The following DST variants were observed in gnomAD, a reference collection of about 807,000 sequenced individuals.
DST encodes dystonin, also known as bullous pemphigoid antigen.
A neutral mutation model predicts 875.2 loss-of-function variants in DST; 253 were observed. The ratio of observed to expected loss-of-function variants is 0.29; its 90% CI spans 0.26 to 0.32. The LOEUF (loss-of-function observed/expected upper bound fraction) is 0.32. DST is among the 10% of genes least tolerant of loss of function. The probability of loss-of-function intolerance (pLI) is 1.00; values close to 1 mark genes in which losing one functional copy is unlikely to be tolerated. For missense variants in DST, 8,287 were observed against 9,111.6 expected, an observed-to-expected ratio of 0.91 and a Z score of 3.68; for synonymous variants, 3,124 against 3,197.1, an observed-to-expected ratio of 0.98 and a Z score of 0.77.
intron 55 of DST, among the ~76,000 whole-genome samples, chr6:56,563,543 C>T (rs1158940611): frequency 6.6e-6 from 1 of 152,158 alleles, no homozygotes. Flanking sequence ...TGCCTGTTCA[C>T]TCTGATGATA....
chr6:56,555,307 T>G, intron 60 of DST, 38 bp downstream of exon 60: 1 of 1,528,800 alleles, frequency 6.5e-7, no homozygotes, highest in Non-Finnish European at 8.8e-7. Flanking sequence ...TGACATTTAT[T>G]TCTGACCAGG....
At chr6:56,904,175 A>G (rs1795342157) in intron 2 of DST, among the ~76,000 whole-genome samples, 1 of 152,254 alleles carries the variant, frequency 6.6e-6, no homozygotes, top group South Asian at 2.1e-4. Flanking sequence ...TCTTGAACAC[A>G]ATAGTGTATT....
In DST at chr6:56,458,791, T is replaced by C. The variant is rs1562114884; in HGVS notation, c.*214A>G. ...CAGAAATGTTAGTTCATGTTAAACT[T>C]TTCCTCCTCACATATGATGTGACTT... On this transcript the variant is annotated 3_prime_UTR_variant, in exon 104 of 104. Coordinates refer to ENST00000680361, the MANE Select transcript of DST (RefSeq NM_001374736.1). The C allele has an allele frequency of 2.1e-6, 1 of 479,972 alleles. No individual in the cohort carries two copies. The highest frequency in any genetic ancestry group is 3.5e-5 in the East Asian group (1 of 28,874). The allele number at this position is 479,972 out of a possible 1,614,324, so 29.7% of individuals were successfully genotyped here. A position where few individuals can be genotyped will look rare whatever the true frequency, so the allele number is the denominator to read the frequency against.
At position 56,634,567 on chromosome 6, in the gene DST, C is replaced by T. The variant is rs144326157; in HGVS notation, c.3389G>A (p.Arg1130His). The T allele has an allele frequency of 6.2e-6, 10 of 1,613,998 alleles. No individual in the cohort carries two copies. Among genetic ancestry groups the T allele is most frequent in the Middle Eastern group, 1.6e-4 (1 of 6,084 alleles). Residue 1130 changes from arginine to histidine, a missense_variant, in exon 26 of 104, where the codon CGT (arginine) becomes CAT (histidine). This residue lies in a region of DST where 1,160 missense variants were observed against 1,424.3 expected (regional missense o/e 0.81). Transcript: ENST00000680361. Reference sequence around the variant, plus strand: ...AGGACTAATGACCTTCCATTTAGCACGATGAGAGTTATTCGCCAAAACACA... The same window carrying T: ...AGGACTAATGACCTTCCATTTAGCATGATGAGAGTTATTCGCCAAAACACA... ...DECVLANNSH[R>H]AKWKVISPTG...
At chr6:56,619,603 AT>A (rs1563237899) in intron 36 of DST, 2 of 1,613,860 alleles carry the variant, frequency 1.2e-6, no homozygotes, top group East Asian at 4.5e-5. Context: ...CTTTTTCATG[AT>A]TAAGAGATTC....
chr6:56,492,373 T>C lies in DST; in HGVS notation c.20611A>G (p.Thr6871Ala). Reference protein sequence around the residue: ...EQIIELDKTGTHLKYFSQKQD... With the variant: ...EQIIELDKTGAHLKYFSQKQD... ...TTCTGACTAAAATATTTTAGGTGGG[T>C]TCCAGTTTTGTCCAGCTCTATTATC... Residue 6871 changes from threonine to alanine, a missense_variant, in exon 85 of 104, where the codon ACC becomes GCC. Thr to Ala is a moderately conservative substitution (Grantham distance 58, BLOSUM62 0). This residue lies in a region of DST where 1,292 missense variants were observed against 1,552.7 expected (regional missense o/e 0.83). Coordinates refer to ENST00000680361, the MANE Select transcript of DST (RefSeq NM_001374736.1). The C allele has an allele frequency of 1.2e-6, 2 of 1,613,842 alleles. No homozygotes were observed. The highest frequency in any genetic ancestry group is 2.2e-5 in the South Asian group (2 of 91,076).
intron 2 of DST, among the ~76,000 whole-genome samples, chr6:56,942,757 C>T (rs72881066): frequency 0.063 from 8,844 of 140,608 alleles, 382 homozygotes; most frequent in South Asian, 0.099. Context: ...GCTCTGCTGC[C>T]CAGGCTAGAG....
chr6:56,619,140 A>C (rs1444067173), intron 36 of DST: 2 of 1,613,900 alleles, frequency 1.2e-6, no homozygotes, highest in East Asian at 4.5e-5. Flanking sequence ...TGTTTATGCA[A>C]GTGTTCATTT....
chr6:56,568,220 T>C (rs963197706), intron 55 of DST, among the ~76,000 whole-genome samples: 1 of 152,236 alleles, frequency 6.6e-6, no homozygotes, highest in Non-Finnish European at 1.5e-5. Context: ...TAACATTCCT[T>C]ATTCTTACAT....
At chr6:56,949,622 T>G (rs1169289270) in intron 2 of DST, among the ~76,000 whole-genome samples, 7 of 152,220 alleles carry the variant, frequency 4.6e-5, no homozygotes, top group African/African-American at 1.4e-4. Flanking sequence ...ATGTGTTTAT[T>G]TGAAAAATAA....
intron 66 of DST, 103 bp downstream of exon 66, chr6:56,529,345 T>C (rs2096856708): frequency 2.0e-6 from 2 of 984,348 alleles, no homozygotes; most frequent in South Asian, 2.6e-5. Context: ...AGTACAGCAA[T>C]TCATCGAAAT....
At chr6:56,641,483 GA>G (rs2098901436) in intron 17 of DST, among the ~76,000 whole-genome samples, 1 of 152,098 alleles carries the variant, frequency 6.6e-6, no homozygotes, top group Admixed American at 6.5e-5. Context: ...AGCTACTAGG[GA>G]GGCTGAGACA....
chr6:56,888,969 T>C (rs1257102750), intron 3 of DST, among the ~76,000 whole-genome samples: 1 of 152,200 alleles, frequency 6.6e-6, no homozygotes, highest in Non-Finnish European at 1.5e-5. Context: ...TCTACCTGAG[T>C]GGCCTTTTCT....
Position 56,603,395 on chromosome 6 carries a change from A to G in DST, c.10967T>C (p.Ile3656Thr), listed in dbSNP as rs777416570. The change falls in exon 42 of 104, where the codon ATT (isoleucine) becomes ACT (threonine). Residue 3656 changes from isoleucine (I) to threonine (T), a missense_variant. By Grantham distance (89) the Ile-to-Thr change is moderately conservative (BLOSUM62 -1). This residue lies in a region of DST where 3,138 missense variants were observed against 3,116.6 expected (regional missense o/e 1.01). Coordinates refer to ENST00000680361, the MANE Select transcript of DST (RefSeq NM_001374736.1). ...CATATCTTTTCTTAAAATAACAGCA[A>G]TTGGAGCTAATCCCAATTCAAATGT... ...LETFELGLAP[I>T]AVILRKDMKL... The G allele has an allele frequency of 5.0e-6, 8 of 1,610,498 alleles. No homozygotes were observed. Among genetic ancestry groups the G allele is most frequent in the Middle Eastern group, 1.6e-4 (1 of 6,064 alleles).
chr6:56,754,389 T>A (rs1473497720), intron 4 of DST, among the ~76,000 whole-genome samples: 5 of 152,240 alleles, frequency 3.3e-5, no homozygotes, highest in Non-Finnish European at 7.4e-5. Context: ...TGATTCTTTC[T>A]AAGTTCTATG....
intron 32 of DST, among the ~76,000 whole-genome samples, chr6:56,628,470 C>A (rs905269542): frequency 3.3e-5 from 5 of 152,160 alleles, no homozygotes; most frequent in Admixed American, 1.3e-4. Flanking sequence ...TTATCAATTA[C>A]AGTGTCTTGA....
At chr6:56,627,419 A>G in intron 33 of DST, 132 bp from the exon 34 acceptor site, 1 of 734,104 alleles carries the variant, frequency 1.4e-6, no homozygotes, top group Middle Eastern at 2.6e-4. Flanking sequence ...CTTAATACAC[A>G]ACTTGCCTTA....
At chr6:56,902,198 G>A (rs1429735148) in intron 2 of DST, among the ~76,000 whole-genome samples, 1 of 152,164 alleles carries the variant, frequency 6.6e-6, no homozygotes, top group Admixed American at 6.5e-5. Flanking sequence ...TGGTATGAGG[G>A]TACAAGCTAA....
At position 56,606,410 on chromosome 6, in the gene DST, A is replaced by C. The variant is rs1414164183; in HGVS notation, c.8218T>G (p.Ser2740Ala). 1.2e-6 allele frequency: 2 copies of C among 1,613,306 alleles called. No homozygotes were observed. Among genetic ancestry groups the C allele is most frequent in the Admixed American group, 3.3e-5 (2 of 59,866 alleles). The part of the protein sequence containing the change: ...TNILEGDESD[S>A]LTDYDIVGGK... ...CCTACAATATCATAATCAGTCAATG[A>C]GTCAGATTCATCACCTTCAAGGATA... is the stretch of plus-strand genomic sequence containing the variant. Residue 2740 changes from serine (S) to alanine (A), a missense_variant, in exon 40 of 104, where the codon TCA (serine) becomes GCA (alanine). Ser to Ala is a moderately conservative substitution (Grantham distance 99, BLOSUM62 1). This residue lies in a region of DST where 3,138 missense variants were observed against 3,116.6 expected (regional missense o/e 1.01). Coordinates refer to ENST00000680361, the MANE Select transcript of DST (RefSeq NM_001374736.1).
Sources: gnomAD v4.1 joint callset for allele counts (sites outside exome capture counted in the v4.1 genomes callset) on GRCh38, gnomAD v4.1.1 for gene constraint, gnomAD v4.1.1 regional missense constraint, MANE v1.5 for transcripts, NCBI Gene and HGNC (gene_info 2026-07-23, HGNC 2026-07-21) for gene names.